SUN3: variants seen among roughly 807,000 people sequenced by gnomAD.
The protein encoded by SUN3 is Sad1 and UNC84 domain containing 3, also known as SUN domain-containing protein 3.
In SUN3, 36 loss-of-function variants were observed where a neutral mutation model predicts 48.2. The observed-to-expected ratio is 0.75, with a 90% CI of 0.57 to 0.99. The LOEUF (loss-of-function observed/expected upper bound fraction) is 0.99. SUN3 is among the 50% of genes least tolerant of loss of function. SUN3 has a pLI of 0.00. For missense variants in SUN3, 419 were observed against 433.1 expected (o/e 0.97, Z 0.29); for synonymous variants, 148 against 147.9 (o/e 1.00, Z 0.00).
chr7:48,002,223 G>A lies in SUN3; in HGVS notation c.577+3746C>T, dbSNP rs573452865. On this transcript the variant is annotated intron_variant, in intron 6 of 9. Transcript: ENST00000297325. Reference sequence around the variant, plus strand: ...CGCCCAGGCTGGAGTGCAGTGGCGCGATCTCGGCTCACTGCAAGCTCCGCC... The same window carrying A: ...CGCCCAGGCTGGAGTGCAGTGGCGCAATCTCGGCTCACTGCAAGCTCCGCC... 2.4e-3 allele frequency among the ~76,000 whole-genome samples: 299 copies of A among 125,800 alleles called. 42 individuals are homozygous for A. Among genetic ancestry groups the A allele is most frequent in the African/African-American group, 0.011 (298 of 27,266 alleles). The allele number at this position is 125,800 out of a possible 152,430, so 82.5% of individuals were successfully genotyped here. A position where few individuals can be genotyped will look rare whatever the true frequency, so the allele number is the denominator to read the frequency against.
chr7:47,989,038 AG>A (rs1269971176), intron 8 of SUN3, 158 bp from the exon 9 acceptor site: 1 of 478,934 alleles, frequency 2.1e-6, no homozygotes, highest in Admixed American at 3.7e-5. Context: ...ATATTTAACA[AG>A]GGGTCAATGA....
intron 4 of SUN3, among the ~76,000 whole-genome samples, chr7:48,007,916 C>T (rs1204347320): frequency 6.6e-6 from 1 of 151,842 alleles, no homozygotes; most frequent in Admixed American, 6.6e-5. Flanking sequence ...CTCCGCCTCC[C>T]GGGTTCAAGT....
chr7:47,999,460 A>G (rs1427775050), intron 6 of SUN3, among the ~76,000 whole-genome samples: 2 of 147,742 alleles, frequency 1.4e-5, no homozygotes, highest in Admixed American at 6.7e-5. Flanking sequence ...TGCCTTTCGT[A>G]CTCTCTTTCT....
chr7:48,012,720 C>A (rs1295827006), intron 3 of SUN3, among the ~76,000 whole-genome samples: 4 of 152,198 alleles, frequency 2.6e-5, no homozygotes, highest in African/African-American at 7.2e-5. Flanking sequence ...CAACTGTGAT[C>A]ACTGTGGCTT....
At chr7:48,009,778 CAT>C (rs1434505682) in intron 3 of SUN3, among the ~76,000 whole-genome samples, 2 of 152,066 alleles carry the variant, frequency 1.3e-5, no homozygotes, top group African/African-American at 4.8e-5. Flanking sequence ...TCAGTGAAAA[CAT>C]AAACACTGGG....
At chr7:48,007,368 A>G (rs770088057) in intron 4 of SUN3, 41 bp from the exon 5 acceptor site, 7 of 1,592,008 alleles carry the variant, frequency 4.4e-6, no homozygotes. Flanking sequence ...AGAAAGTGTA[A>G]AGCTCCTGTT....
At chr7:47,990,570 CT>C (rs1244988656) in intron 8 of SUN3, among the ~76,000 whole-genome samples, 1 of 151,842 alleles carries the variant, frequency 6.6e-6, no homozygotes, top group Non-Finnish European at 1.5e-5. Context: ...TTGTCTCTTT[CT>C]TTTCTCAAGT....
At chr7:48,021,626 C>A (rs1790000315) in intron 2 of SUN3, among the ~76,000 whole-genome samples, 1 of 150,098 alleles carries the variant, frequency 6.7e-6, no homozygotes, top group South Asian at 2.1e-4. Context: ...AAATAAACAT[C>A]TCTCAAAAGA....
At chr7:48,035,863 G>A in the SUN3 span, among the ~76,000 whole-genome samples, 1 of 151,860 alleles carries the variant, frequency 6.6e-6, no homozygotes, top group East Asian at 1.9e-4. The surrounding 1 kb of genome is among the most constrained non-coding windows in gnomAD (Gnocchi z 4.0). Context: ...TGGCGTGGAC[G>A]TGCCTGTACT....
chr7:48,007,091 C>T (rs1193450015), intron 5 of SUN3, 74 bp downstream of exon 5: 4 of 1,439,360 alleles, frequency 2.8e-6, no homozygotes, highest in Non-Finnish European at 3.8e-6. Flanking sequence ...AGGACATACT[C>T]ACTCCCCGTC....
intron 2 of SUN3, among the ~76,000 whole-genome samples, chr7:48,021,181 T>C (rs1789984453): frequency 6.6e-6 from 1 of 152,112 alleles, no homozygotes; most frequent in Admixed American, 6.5e-5. Flanking sequence ...CTTCAATAAA[T>C]GGTGCTGGGA....
intron 2 of SUN3, among the ~76,000 whole-genome samples, chr7:48,020,560 G>GA (rs1789965603): frequency 2.0e-5 from 3 of 151,884 alleles, no homozygotes; most frequent in Admixed American, 6.6e-5. Flanking sequence ...TTTATATTAG[G>GA]AAAAAAACTA....
intron 2 of SUN3, among the ~76,000 whole-genome samples, chr7:48,023,970 C>T (rs1325637236): frequency 6.6e-6 from 1 of 152,192 alleles, no homozygotes; most frequent in East Asian, 1.9e-4. Context: ...GAGGACAAGA[C>T]ATTCAAAGAT....
At chr7:48,011,709 T>G (rs1437712227) in intron 3 of SUN3, among the ~76,000 whole-genome samples, 2 of 152,226 alleles carry the variant, frequency 1.3e-5, no homozygotes, top group Non-Finnish European at 2.9e-5. Context: ...TTTAAAAACA[T>G]TTTTATTTTG....
At chr7:48,012,180 A>G (rs781248833) in intron 3 of SUN3, among the ~76,000 whole-genome samples, 3 of 152,204 alleles carry the variant, frequency 2.0e-5, no homozygotes, top group Non-Finnish European at 2.9e-5. Context: ...AGATGTGAAA[A>G]TGTCCAGAGC....
At chr7:48,019,977 C>CGAAAAAAA (rs1789941677) in intron 2 of SUN3, among the ~76,000 whole-genome samples, 1 of 64,144 alleles carries the variant, frequency 1.6e-5, no homozygotes. Context: ...AAAGACACAT[C>CGAAAAAAA]AAAAAAAAAA....
upstream of SUN3, among the ~76,000 whole-genome samples, chr7:48,033,869 C>G (rs972956570): frequency 1.6e-4 from 24 of 152,316 alleles, no homozygotes; most frequent in African/African-American, 5.3e-4. Flanking sequence ...GCCTGGCCAA[C>G]ATGGCAAAAC....
chr7:48,029,903 G>A (rs561222547), upstream of SUN3, among the ~76,000 whole-genome samples: 13 of 152,202 alleles, frequency 8.5e-5, no homozygotes, highest in Middle Eastern at 0.01. Context: ...AATTTCTCGC[G>A]TAGTTTTTAA....
In SUN3 at chr7:48,017,140, C is replaced by G. The variant is rs1789834746; in HGVS notation, c.288+122G>C. The G allele has an allele frequency of 5.0e-6, 3 of 603,744 alleles. No homozygotes were observed. The Admixed American group carries it at 9.8e-5, about 20-fold the overall frequency. 37.4% of individuals were successfully genotyped at this position (603,744 alleles called of 1,614,324 possible). A position where few individuals can be genotyped will look rare whatever the true frequency, so the allele number is the denominator to read the frequency against. ...AAACCACTTAATAGAATTCCATTTC[C>G]TACATTAATTTTATTAGATATTCTC... is the stretch of plus-strand genomic sequence containing the variant. On this transcript the variant is annotated intron_variant, in intron 3 of 9. Transcript: ENST00000297325.
Sources: allele counts gnomAD v4.1 joint callset (sites outside exome capture counted in the v4.1 genomes callset), GRCh38; gene constraint gnomAD v4.1.1; non-coding constraint Gnocchi (gnomAD v3.1); transcripts MANE v1.5; gene names NCBI Gene and HGNC (gene_info 2026-07-23, HGNC 2026-07-21).